PRICKLE2: variants seen among roughly 807,000 people sequenced by gnomAD.
PRICKLE2 encodes the protein prickle-like protein 2.
A neutral mutation model predicts 81.4 loss-of-function variants in PRICKLE2; 21 were observed. The ratio of observed to expected loss-of-function variants is 0.26; its 90% CI spans 0.18 to 0.37. PRICKLE2 has a LOEUF of 0.37. Among genes scored for constraint, PRICKLE2 ranks in the 10% least tolerant of loss-of-function variants. PRICKLE2 has a pLI of 1.00. For synonymous variants in PRICKLE2, 456 were observed against 421.5 expected, an observed-to-expected ratio of 1.08 and a Z score of -1.00; for missense variants, 940 against 1,109.0, an observed-to-expected ratio of 0.85 and a Z score of 2.16.
At chr3:64,171,685 T>A (rs1269779947) in intron 2 of PRICKLE2, among the ~76,000 whole-genome samples, 2 of 152,200 alleles carry the variant, frequency 1.3e-5, no homozygotes, top group Non-Finnish European at 2.9e-5. Flanking sequence ...TATTAGAGGA[T>A]CTAGACAGAC....
At chr3:64,152,943 C>A (rs1390090325) in intron 6 of PRICKLE2, among the ~76,000 whole-genome samples, 1 of 152,144 alleles carries the variant, frequency 6.6e-6, no homozygotes, top group Non-Finnish European at 1.5e-5. Flanking sequence ...TAACAGAAGG[C>A]AAATTAAGCT....
chr3:64,215,056 C>A (rs569922999), intron 1 of PRICKLE2, among the ~76,000 whole-genome samples: 3 of 152,084 alleles, frequency 2.0e-5, no homozygotes, highest in Non-Finnish European at 4.4e-5. Context: ...TTTCCACCAC[C>A]GTTTGTTTTT....
intron 6 of PRICKLE2, among the ~76,000 whole-genome samples, chr3:64,149,969 CTTTTTTTTTTTT>C (rs34841544): frequency 9.1e-6 from 1 of 109,736 alleles, no homozygotes; most frequent in Non-Finnish European, 1.7e-5. Flanking sequence ...TCAACTCCAT[CTTTTTTTTTTTT>C]TTTTTTTTTG....
chr3:64,242,095 T>A (rs1013071195), intron 2 of PRICKLE2, among the ~76,000 whole-genome samples: 1 of 152,142 alleles, frequency 6.6e-6, no homozygotes. Context: ...TCTTTTCTCT[T>A]TTTTGCAAGC....
chr3:64,138,444 A>T (rs1241292197), intron 7 of PRICKLE2, among the ~76,000 whole-genome samples: 3 of 152,222 alleles, frequency 2.0e-5, no homozygotes. Flanking sequence ...CCTGATGTTG[A>T]TGGACATTGG....
intron 2 of PRICKLE2, among the ~76,000 whole-genome samples, chr3:64,244,202 C>A (rs1401960350): frequency 1.3e-5 from 2 of 152,170 alleles, no homozygotes; most frequent in Admixed American, 6.5e-5. Flanking sequence ...CAACCACAGT[C>A]CTGGAACACC....
At chr3:64,238,684 A>C (rs2079218340) in intron 2 of PRICKLE2, among the ~76,000 whole-genome samples, 1 of 151,844 alleles carries the variant, frequency 6.6e-6, no homozygotes, top group African/African-American at 2.4e-5. Context: ...TTCTGTCCCT[A>C]CCCCTTCTTA....
rs755337354 is a variant in PRICKLE2 at position 64,163,040 on chromosome 3, G to C, written c.234C>G (p.His78Gln). The C allele has an allele frequency of 2.5e-6, 4 of 1,613,066 alleles. No homozygotes were observed. The Admixed American group carries it at 6.7e-5, about 27-fold the overall frequency. ...GEKLRIKQLL[H>Q]QLPPHDNEVR... ...CCTCATTGTCATGTGGCGGCAGCTG[G>C]TGTAGTAGCTGCTTGATTCGCAGTT... The change falls in exon 3 of 8, where the codon CAC becomes CAG. Residue 78 changes from histidine (H) to glutamine (Q), a missense_variant. His to Gln is a conservative substitution (Grantham distance 24, BLOSUM62 0). Around this residue, in one of 2 missense-constraint regions of PRICKLE2, gnomAD observed 270 missense variants for 391.8 expected, o/e 0.69. Coordinates refer to ENST00000638394, the MANE Select transcript of PRICKLE2 (RefSeq NM_198859.4).
chr3:64,142,503 G>T (rs1320804631), intron 7 of PRICKLE2, among the ~76,000 whole-genome samples: 2 of 151,970 alleles, frequency 1.3e-5, no homozygotes, highest in Non-Finnish European at 2.9e-5. Flanking sequence ...TAGAGACGGG[G>T]TTTTGCCACG....
chr3:64,208,815 T>G (rs2078736166), intron 1 of PRICKLE2, among the ~76,000 whole-genome samples: 1 of 152,218 alleles, frequency 6.6e-6, no homozygotes, highest in Admixed American at 6.5e-5. Context: ...TAAGGACCTA[T>G]GTCATCTGAC....
chr3:64,225,478 C>A, upstream of PRICKLE2: 1 of 984,178 alleles, frequency 1.0e-6, no homozygotes, highest in South Asian at 4.7e-5. Context: ...CTTGCATCCT[C>A]CGCATGCTAA....
intron 2 of PRICKLE2, among the ~76,000 whole-genome samples, chr3:64,190,743 C>A (rs1275769452): frequency 2.0e-5 from 3 of 152,204 alleles, no homozygotes; most frequent in African/African-American, 7.2e-5. Context: ...TTCCAACTGG[C>A]AGAGAGGCCA....
chr3:64,103,780 G>C (rs1240887944), intron 7 of PRICKLE2, among the ~76,000 whole-genome samples: 1 of 152,112 alleles, frequency 6.6e-6, no homozygotes, highest in African/African-American at 2.4e-5. Context: ...AGGAGTTCAA[G>C]ACAAACCTGG....
At chr3:64,126,955 C>T (rs1214120044) in intron 7 of PRICKLE2, among the ~76,000 whole-genome samples, 2 of 152,110 alleles carry the variant, frequency 1.3e-5, no homozygotes, top group Non-Finnish European at 2.9e-5. Context: ...GCAAATAGTT[C>T]GTGAATGCCC....
At chr3:64,241,940 C>T (rs1475932986) in intron 2 of PRICKLE2, among the ~76,000 whole-genome samples, 3 of 152,180 alleles carry the variant, frequency 2.0e-5, no homozygotes, top group African/African-American at 4.8e-5. Context: ...GGATAATAGT[C>T]TACCACATCA....
rs67554015 is a variant in PRICKLE2, at chr3:64,165,963, GGTGTGTGTGTGTGTGT to G, written c.145-2850_145-2835del. 6.3e-3 allele frequency among the ~76,000 whole-genome samples: 387 copies of G among 61,870 alleles called. 1 individual carries two copies. Among genetic ancestry groups the G allele is most frequent in the Middle Eastern group, 0.018 (2 of 110 alleles). The allele number at this position is 61,870 out of a possible 152,430, so 40.6% of individuals were successfully genotyped here. A position where few individuals can be genotyped will look rare whatever the true frequency, so the allele number is the denominator to read the frequency against. ...GGGAAAAATGGCAAACTGTTATAAA[GGTGTGTGTGTGTGTGT>G]GTGTGTGTGTGTGTGTGTGTGTGTG... On this transcript the variant is annotated intron_variant, in intron 2 of 7. Coordinates refer to ENST00000638394, the MANE Select transcript of PRICKLE2 (RefSeq NM_198859.4).
intron 2 of PRICKLE2, among the ~76,000 whole-genome samples, chr3:64,191,273 T>C (rs916531305): frequency 6.6e-6 from 1 of 152,208 alleles, no homozygotes; most frequent in African/African-American, 2.4e-5. Context: ...CTGCTCCTCT[T>C]TGAGCTGACT....
chr3:64,202,342 T>A (rs1453702943), intron 1 of PRICKLE2, among the ~76,000 whole-genome samples: 4 of 152,206 alleles, frequency 2.6e-5, no homozygotes, highest in Non-Finnish European at 5.9e-5. Context: ...TTTATTAATC[T>A]GAAGAGTATT....
At chr3:64,138,108 C>T (rs1450982) in intron 7 of PRICKLE2, among the ~76,000 whole-genome samples, 39,108 of 151,902 alleles carry the variant, frequency 0.26, 6,008 homozygotes, top group East Asian at 0.44. Context: ...ATAAAAACGT[C>T]AGTCCTGGAT....
Sources: allele counts gnomAD v4.1 joint callset (sites outside exome capture counted in the v4.1 genomes callset), GRCh38; gene constraint gnomAD v4.1.1; regional missense constraint gnomAD v4.1.1; transcripts MANE v1.5; gene names NCBI Gene and HGNC (gene_info 2026-07-23, HGNC 2026-07-21).